Variants in SNTB1 observed in about 807,000 individuals in gnomAD.
The protein encoded by SNTB1 is beta-1-syntrophin.
SNTB1 carries 36 observed loss-of-function variants against 48.9 expected under a neutral mutation model. The observed-to-expected ratio is 0.74, with a 90% CI of 0.56 to 0.97. The LOEUF (loss-of-function observed/expected upper bound fraction) is 0.97. Among genes scored for constraint, SNTB1 ranks in the 50% least tolerant of loss-of-function variants. SNTB1 has a pLI of 0.00. For missense variants in SNTB1, 786 were observed against 703.4 expected, an observed-to-expected ratio of 1.12 and a Z score of -1.33; for synonymous variants, 299 against 294.6, an observed-to-expected ratio of 1.01 and a Z score of -0.15.
chr8:120,556,982 A>G (rs1815575695), intron 4 of SNTB1, among the ~76,000 whole-genome samples: 1 of 152,178 alleles, frequency 6.6e-6, no homozygotes, highest in African/African-American at 2.4e-5. Flanking sequence ...CCAATACTTG[A>G]GTTCTAAGTT....
At chr8:120,569,728 G>A (rs1385869150) in intron 4 of SNTB1, among the ~76,000 whole-genome samples, 4 of 152,202 alleles carry the variant, frequency 2.6e-5, no homozygotes, top group African/African-American at 9.6e-5. Flanking sequence ...GGATGTTCTA[G>A]ATCTGTGCTG....
intron 3 of SNTB1, among the ~76,000 whole-genome samples, chr8:120,625,881 T>C (rs1023874160): frequency 1.3e-5 from 2 of 152,218 alleles, no homozygotes; most frequent in Non-Finnish European, 2.9e-5. Context: ...TCAGAGACTA[T>C]TTTCTCCCTG....
intron 5 of SNTB1, among the ~76,000 whole-genome samples, chr8:120,542,296 A>G (rs1815301709): frequency 6.6e-6 from 1 of 152,208 alleles, no homozygotes; most frequent in Non-Finnish European, 1.5e-5. Flanking sequence ...ACACAGCTCT[A>G]TAGGTGTACT....
chr8:120,767,330 TTGGG>T (rs1275668995), intron 1 of SNTB1, among the ~76,000 whole-genome samples: 1 of 152,212 alleles, frequency 6.6e-6, no homozygotes, highest in Non-Finnish European at 1.5e-5. Context: ...GACCCCTGCA[TTGGG>T]TGGGAAGCTG....
intron 3 of SNTB1, among the ~76,000 whole-genome samples, chr8:120,576,385 T>A (rs374200149): frequency 1.3e-5 from 2 of 152,228 alleles, no homozygotes; most frequent in Non-Finnish European, 2.9e-5. Flanking sequence ...TATTACTTTA[T>A]CTTAAGTGAC....
At chr8:120,779,364 G>A (rs1279144334) in intron 1 of SNTB1, among the ~76,000 whole-genome samples, 2 of 152,146 alleles carry the variant, frequency 1.3e-5, no homozygotes, top group South Asian at 4.1e-4. Flanking sequence ...TTAGCTGAGC[G>A]TGGTGTTGTG....
chr8:120,734,505 G>A (rs1303910487), intron 1 of SNTB1, among the ~76,000 whole-genome samples: 2 of 151,424 alleles, frequency 1.3e-5, no homozygotes, highest in African/African-American at 4.9e-5. Context: ...TTTATTGAAT[G>A]CTTGCTATGC....
At chr8:120,755,106 A>T (rs1819290418) in intron 1 of SNTB1, among the ~76,000 whole-genome samples, 1 of 151,818 alleles carries the variant, frequency 6.6e-6, no homozygotes, top group African/African-American at 2.4e-5. Flanking sequence ...GCCTTGACAC[A>T]GTGCGTAAAT....
intron 4 of SNTB1, among the ~76,000 whole-genome samples, chr8:120,559,402 A>T (rs1480731599): frequency 6.6e-6 from 1 of 152,246 alleles, no homozygotes; most frequent in Admixed American, 6.5e-5. Context: ...ACTTGTACAT[A>T]AATGCGTCCC....
At position 120,796,460 on chromosome 8, in the gene SNTB1, T is replaced by C. The variant is rs555601414; in HGVS notation, c.571+14813A>G. Among the ~76,000 whole-genome samples the C allele has an allele frequency of 7.9e-4, 120 of 151,916 alleles. 3 individuals are homozygous for C. The South Asian group carries it at 0.016, about 21-fold the overall frequency. ...ACACAGTCAATCCAAAAAATAGAGA[T>C]TAAAAAATGCAAAAGTAGAAAGCCT... On this transcript the variant is annotated intron_variant, in intron 1 of 6. Transcript: ENST00000517992.
chr8:120,755,578 C>G (rs560019845), intron 1 of SNTB1, among the ~76,000 whole-genome samples: 10 of 152,150 alleles, frequency 6.6e-5, no homozygotes, highest in Non-Finnish European at 1.3e-4. Context: ...AAAAAGGAAA[C>G]TCATAAGACG....
At position 120,595,500 on chromosome 8, in the gene SNTB1, C is replaced by A. The variant is rs567687686; in HGVS notation, c.997-20275G>T. 1.4e-4 allele frequency among the ~76,000 whole-genome samples: 21 copies of A among 152,244 alleles called. No individual in the cohort carries two copies. In the East Asian group the frequency reaches 3.9e-3, roughly 28 times the overall value. On this transcript the variant is annotated intron_variant, in intron 3 of 6. Coordinates refer to ENST00000517992, the MANE Select transcript of SNTB1 (RefSeq NM_021021.4). ...ATAATCCACCCCTTGTTTAGCATAT[C>A]ATCAAGAAATAACCATAAAAATGGG...
Position 120,743,301 on chromosome 8 carries a change from C to G in SNTB1, c.572-49393G>C, listed in dbSNP as rs911045099. On this transcript the variant is annotated intron_variant, in intron 1 of 6. Transcript: ENST00000517992. ...TAATTGGATGACTGTGTTTTATTAT[C>G]ATTTGGGGTCAGGAAATTGCACGTA... Among the ~76,000 whole-genome samples the G allele has an allele frequency of 3.9e-5, 6 of 152,166 alleles. No individual in the cohort carries two copies. In the East Asian group the frequency reaches 1.2e-3, roughly 29 times the overall value.
Position 120,812,027 on chromosome 8 carries a change from A to T in SNTB1, c.-184T>A. ...TCGGCGGGAGTTGGCAGCTGCACTC[A>T]GGCTGGTTCCCCCTCGCCTGATCCT... On this transcript the variant is annotated 5_prime_UTR_variant, in exon 1 of 7. Coordinates refer to ENST00000517992, the MANE Select transcript of SNTB1 (RefSeq NM_021021.4). The T allele has an allele frequency of 2.4e-6, 3 of 1,263,044 alleles. No individual in the cohort carries two copies. The highest frequency in any genetic ancestry group is 3.0e-6 in the Non-Finnish European group (3 of 1,009,562). 78.2% of individuals were successfully genotyped at this position (1,263,044 alleles called of 1,614,324 possible). A position where few individuals can be genotyped will look rare whatever the true frequency, so the allele number is the denominator to read the frequency against.
chr8:120,611,822 G>GAAAAAAA (rs397892337), intron 3 of SNTB1, among the ~76,000 whole-genome samples: 1 of 58,460 alleles, frequency 1.7e-5, no homozygotes, highest in Non-Finnish European at 3.1e-5. Flanking sequence ...ACTCTGTCTC[G>GAAAAAAA]AAAAAAAAAA....
chr8:120,792,608 A>G (rs1269839653), intron 1 of SNTB1, among the ~76,000 whole-genome samples: 1 of 152,032 alleles, frequency 6.6e-6, no homozygotes, highest in African/African-American at 2.4e-5. Flanking sequence ...GGCAAGTCCT[A>G]TATTTTACAG....
intron 3 of SNTB1, among the ~76,000 whole-genome samples, chr8:120,596,376 G>A (rs1456034228): frequency 2.0e-5 from 3 of 152,160 alleles, no homozygotes; most frequent in Non-Finnish European, 4.4e-5. Context: ...TTAATAAACT[G>A]AGACCTCCTC....
chr8:120,560,593 T>C (rs1201428568), intron 4 of SNTB1, among the ~76,000 whole-genome samples: 2 of 152,226 alleles, frequency 1.3e-5, no homozygotes, highest in Non-Finnish European at 2.9e-5. Context: ...ATATTGACTA[T>C]AAGAAACGAA....
rs1226587981 is a variant in SNTB1, at chr8:120,694,825, C to T, written c.572-917G>A. On this transcript the variant is annotated intron_variant, in intron 1 of 6. Transcript: ENST00000517992. ...AAAGCCATAATGATTAAGAAATAGG[C>T]TTTTACTATTTATTTATTACTCTTT... 2.6e-5 allele frequency among the ~76,000 whole-genome samples: 4 copies of T among 151,916 alleles called. No individual in the cohort carries two copies. The East Asian group carries it at 7.7e-4, about 29-fold the overall frequency.
Sources: allele counts gnomAD v4.1 joint callset (sites outside exome capture counted in the v4.1 genomes callset), GRCh38; gene constraint gnomAD v4.1.1; transcripts MANE v1.5; gene names NCBI Gene and HGNC (gene_info 2026-07-23, HGNC 2026-07-21).